Variants in CSMD1 observed in about 807,000 individuals in gnomAD.
The protein encoded by CSMD1 is CUB and sushi domain-containing protein 1.
A neutral mutation model predicts 417.5 loss-of-function variants in CSMD1; 213 were observed. The observed-to-expected ratio is 0.51, with a 90% CI of 0.46 to 0.57. CSMD1 has a LOEUF of 0.57. Among genes scored for constraint, CSMD1 ranks in the 20% least tolerant of loss-of-function variants. The pLI, the probability that CSMD1 is intolerant of heterozygous loss-of-function variation, is 0.00. For missense variants in CSMD1, 6,923 were observed against 4,529.7 expected (o/e 1.53, Z -15.17); for synonymous variants, 2,862 against 1,736.8 (o/e 1.65, Z -16.11).
intron 23 of CSMD1, among the ~76,000 whole-genome samples, chr8:3,334,891 C>G (rs185446107): frequency 4.0e-4 from 61 of 152,370 alleles, no homozygotes; most frequent in African/African-American, 1.4e-3. Context: ...AATGTGTCAC[C>G]ACTGGGTGAT....
At chr8:3,930,718 C>G (rs560966580) in intron 5 of CSMD1, among the ~76,000 whole-genome samples, 7 of 150,346 alleles carry the variant, frequency 4.7e-5, no homozygotes, top group Non-Finnish European at 8.9e-5. Flanking sequence ...AAAAAAATGG[C>G]CTTGTGAGGA....
chr8:4,626,174 GC>G (rs1213978514), intron 2 of CSMD1, among the ~76,000 whole-genome samples: 3 of 152,126 alleles, frequency 2.0e-5, no homozygotes, highest in Admixed American at 1.3e-4. Flanking sequence ...TTTTCAGCAG[GC>G]CAAGGTTTTC....
At chr8:4,481,386 C>G (rs2130130279) in intron 2 of CSMD1, among the ~76,000 whole-genome samples, 1 of 152,298 alleles carries the variant, frequency 6.6e-6, no homozygotes, top group East Asian at 1.9e-4. Flanking sequence ...AATGAGACAT[C>G]TCAATGCTAA....
At chr8:4,695,994 A>G (rs1227645574) in intron 1 of CSMD1, among the ~76,000 whole-genome samples, 1 of 152,176 alleles carries the variant, frequency 6.6e-6, no homozygotes, top group African/African-American at 2.4e-5. Flanking sequence ...CCTGTGTTTA[A>G]TCCTGGCTTA....
intron 5 of CSMD1, among the ~76,000 whole-genome samples, chr8:3,845,238 G>C (rs1026402901): frequency 6.6e-6 from 1 of 152,198 alleles, no homozygotes; most frequent in East Asian, 1.9e-4. Flanking sequence ...TACATTTTGA[G>C]AAACACATAG....
chr8:4,418,518 G>A (rs951747401), intron 3 of CSMD1, among the ~76,000 whole-genome samples: 3 of 151,906 alleles, frequency 2.0e-5, no homozygotes, highest in Non-Finnish European at 4.4e-5. Context: ...CATCAGGAGG[G>A]GAGAAAAAAA....
intron 1 of CSMD1, among the ~76,000 whole-genome samples, chr8:4,883,999 T>C (rs1222589369): frequency 6.6e-6 from 1 of 152,048 alleles, no homozygotes; most frequent in African/African-American, 2.4e-5. Flanking sequence ...ATACTTGCTA[T>C]TGTCTGTATT....
rs536132067 is a variant in CSMD1, at chr8:3,508,428, G to A, written c.1345-14702C>T. 2.8e-4 allele frequency among the ~76,000 whole-genome samples: 42 copies of A among 151,842 alleles called. No individual in the cohort carries two copies. The East Asian group carries it at 6.5e-3, about 23-fold the overall frequency. On this transcript the variant is annotated intron_variant, in intron 10 of 69. Transcript: ENST00000635120. ...TGTAAGTGACGAGTTAATGGGTGCA[G>A]CACACCAACATGGCACATGTATACA...
intron 3 of CSMD1, among the ~76,000 whole-genome samples, chr8:4,282,603 C>G (rs1445936289): frequency 6.6e-6 from 1 of 152,152 alleles, no homozygotes; most frequent in African/African-American, 2.4e-5. Context: ...AGATTACAGT[C>G]AGGGAGAAAG....
intron 48 of CSMD1, among the ~76,000 whole-genome samples, chr8:3,089,732 G>C (rs1563327278): frequency 7.1e-6 from 1 of 139,974 alleles, no homozygotes. Flanking sequence ...TATGACACGT[G>C]TCTATCTATC....
chr8:4,037,237 G>C (rs1247290572), intron 3 of CSMD1, among the ~76,000 whole-genome samples: 1 of 152,276 alleles, frequency 6.6e-6, no homozygotes, highest in South Asian at 2.1e-4. Context: ...CAAGTAATAT[G>C]ACATAGGAAC....
chr8:2,949,615 TG>T (rs558818722), intron 67 of CSMD1, among the ~76,000 whole-genome samples: 94 of 152,318 alleles, frequency 6.2e-4, no homozygotes, highest in Non-Finnish European at 1.1e-3. Flanking sequence ...AATCTCATTT[TG>T]ATCTCGAAAA....
At chr8:4,562,639 G>A (rs571766121) in intron 2 of CSMD1, among the ~76,000 whole-genome samples, 144 of 152,202 alleles carry the variant, frequency 9.5e-4, no homozygotes, top group South Asian at 3.1e-3. Context: ...CATCAGAAAT[G>A]TCAGATTCTA....
chr8:4,224,619 G>C (rs1031099240), intron 3 of CSMD1, among the ~76,000 whole-genome samples: 2 of 152,164 alleles, frequency 1.3e-5, no homozygotes, highest in Non-Finnish European at 2.9e-5. Flanking sequence ...TATGACTTCA[G>C]ACTGAATTTT....
chr8:4,004,066 G>A (rs543289045), intron 4 of CSMD1, among the ~76,000 whole-genome samples: 13 of 152,222 alleles, frequency 8.5e-5, no homozygotes, highest in Middle Eastern at 3.4e-3. Context: ...AGGGTATAAT[G>A]TCTGATCTGT....
intron 3 of CSMD1, among the ~76,000 whole-genome samples, chr8:4,208,124 T>C (rs1585024750): frequency 6.6e-6 from 1 of 152,288 alleles, no homozygotes; most frequent in Admixed American, 6.5e-5. Context: ...ATACACATGA[T>C]GATTTTCTTA....
intron 50 of CSMD1, chr8:3,043,801 G>T (rs781776380): frequency 6.6e-6 from 1 of 152,288 alleles, no homozygotes; most frequent in Admixed American, 6.6e-5. Context: ...CACATTATAA[G>T]GCAAACAGTG....
intron 7 of CSMD1, among the ~76,000 whole-genome samples, chr8:3,635,029 TA>T (rs879928864): frequency 2.6e-5 from 4 of 151,186 alleles, no homozygotes; most frequent in Admixed American, 6.7e-5. Flanking sequence ...AAAACTAAGG[TA>T]AAAACACTGT....
At chr8:4,330,653 C>A (rs951860495) in intron 3 of CSMD1, among the ~76,000 whole-genome samples, 1 of 151,930 alleles carries the variant, frequency 6.6e-6, no homozygotes, top group African/African-American at 2.4e-5. Context: ...GTTTTCACAA[C>A]CTCTTATGCC....
Sources: allele counts gnomAD v4.1 joint callset (sites outside exome capture counted in the v4.1 genomes callset), GRCh38; gene constraint gnomAD v4.1.1; transcripts MANE v1.5; gene names NCBI Gene and HGNC (gene_info 2026-07-23, HGNC 2026-07-21).